VPS37A: variants seen among roughly 807,000 people sequenced by gnomAD.
VPS37A encodes VPS37A subunit of ESCRT-I.
In VPS37A, 30 loss-of-function variants were observed where a neutral mutation model predicts 49.8. The observed-to-expected ratio is 0.60, with a 90% CI of 0.45 to 0.82. The LOEUF is 0.82. Ranked by LOEUF, VPS37A falls within the 40% of genes least tolerant of loss-of-function variation. The pLI is 0.00. For missense variants in VPS37A, 593 were observed against 464.4 expected, an observed-to-expected ratio of 1.28 and a Z score of -2.55; for synonymous variants, 195 against 160.6, an observed-to-expected ratio of 1.21 and a Z score of -1.62.
chr8:17,247,627 G>T, intron 1 of VPS37A: 1 of 704,976 alleles, frequency 1.4e-6, no homozygotes, highest in South Asian at 1.5e-5. Context: ...CATAGCTGCT[G>T]ACTGTAATCT....
chr8:17,280,833 A>G (rs184331239), intron 9 of VPS37A, among the ~76,000 whole-genome samples: 10 of 152,124 alleles, frequency 6.6e-5, no homozygotes, highest in African/African-American at 2.2e-4. Context: ...AAAAATATAT[A>G]GTATTATCTG....
rs1474071482 is a variant in VPS37A, at chr8:17,297,479, TTC to T, written c.*2495_*2496del. ...AAAGAATAAAAATTTATTCTATGGT[TTC>T]TGTCTCTGATCATCACCTTCCATTC... is the stretch of plus-strand genomic sequence containing the variant. On this transcript the variant is annotated 3_prime_UTR_variant, in exon 12 of 12. Transcript: ENST00000324849. 1 of 152,054 alleles carries T rather than the reference TTC, an allele frequency of 6.6e-6. No homozygotes were observed. The highest frequency in any genetic ancestry group is 1.5e-5 in the Non-Finnish European group (1 of 67,930). 9.4% of individuals were successfully genotyped at this position (152,054 alleles called of 1,614,324 possible).
At chr8:17,302,054 G>T, downstream of VPS37A, 1 of 1,500,866 alleles carries the variant, frequency 6.7e-7, no homozygotes, top group South Asian at 1.2e-5. Context: ...CTAAAAATGT[G>T]AAATATTTGT....
At chr8:17,264,909 G>T (rs1199399790) in intron 1 of VPS37A, among the ~76,000 whole-genome samples, 3 of 152,142 alleles carry the variant, frequency 2.0e-5, no homozygotes, top group Non-Finnish European at 4.4e-5. Context: ...AATAATATAT[G>T]CCTGCAAATA....
chr8:17,268,915 G>T lies in VPS37A; in HGVS notation c.375G>T (p.Lys125Asn). The T allele has an allele frequency of 6.2e-7, 1 of 1,610,538 alleles. No individual in the cohort carries two copies. Among genetic ancestry groups the T allele is most frequent in the Non-Finnish European group, 8.5e-7 (1 of 1,179,280 alleles). ...IIQSLLDEFWKNPPVLAPTST... is the reference protein window; with the variant it reads ...IIQSLLDEFWNNPPVLAPTST... ...AGAGTCTGTTGGATGAGTTTTGGAA[G>T]AATCCTCCAGTTTTAGCTCCTACTT... Residue 125 changes from lysine to asparagine, a missense_variant, in exon 4 of 12, where the codon AAG becomes AAT. Lys to Asn is a moderately conservative substitution (Grantham distance 94, BLOSUM62 0). Transcript: ENST00000324849.
downstream of VPS37A, among the ~76,000 whole-genome samples, chr8:17,300,730 C>T (rs377357808): frequency 6.6e-5 from 10 of 152,354 alleles, no homozygotes; most frequent in East Asian, 1.9e-3. Context: ...ATCACCTCCC[C>T]TGCCGAAAGA....
chr8:17,331,543 G>A, the VPS37A span, among the ~76,000 whole-genome samples: 3 of 152,204 alleles, frequency 2.0e-5, no homozygotes, highest in Admixed American at 6.5e-5. Flanking sequence ...AACCCTTCTG[G>A]AGATGTCACT....
chr8:17,305,868 G>A (rs779745415), downstream of VPS37A: 2 of 1,613,574 alleles, frequency 1.2e-6, no homozygotes, highest in Non-Finnish European at 1.7e-6. Context: ...AAAGGCACAG[G>A]GAAATTGTTC....
the VPS37A span, among the ~76,000 whole-genome samples, chr8:17,314,292 ATTG>A: frequency 6.6e-5 from 10 of 152,278 alleles, no homozygotes; most frequent in Non-Finnish European, 1.2e-4. Flanking sequence ...TTTTTATTTT[ATTG>A]TTCTCTGTGA....
At chr8:17,289,772 G>T (rs563304413) in intron 11 of VPS37A, among the ~76,000 whole-genome samples, 7 of 152,194 alleles carry the variant, frequency 4.6e-5, no homozygotes, top group Non-Finnish European at 1.0e-4. Flanking sequence ...GAACAGCATA[G>T]AATCTATAAA....
chr8:17,299,669 TAAATG>T (rs1291196722), downstream of VPS37A: 4 of 688,366 alleles, frequency 5.8e-6, no homozygotes, highest in South Asian at 4.3e-5. Flanking sequence ...TTATATTTGA[TAAATG>T]AAATGACTAC....
intron 2 of VPS37A, among the ~76,000 whole-genome samples, chr8:17,267,909 G>C (rs1208311290): frequency 6.6e-6 from 1 of 152,142 alleles, no homozygotes; most frequent in Admixed American, 6.6e-5. Context: ...GACTGGACTA[G>C]TATGGTTCAC....
At chr8:17,322,324 C>T in the VPS37A span, among the ~76,000 whole-genome samples, 6 of 152,144 alleles carry the variant, frequency 3.9e-5, no homozygotes, top group Non-Finnish European at 2.9e-5. Context: ...ACCATGTGTT[C>T]CAGAATACTA....
At chr8:17,314,673 A>G in the VPS37A span, among the ~76,000 whole-genome samples, 1 of 152,252 alleles carries the variant, frequency 6.6e-6, no homozygotes, top group Non-Finnish European at 1.5e-5. Flanking sequence ...GTGTTGAAGG[A>G]AATAACACCA....
the VPS37A span, among the ~76,000 whole-genome samples, chr8:17,310,191 A>C: frequency 7.9e-5 from 12 of 151,734 alleles, no homozygotes; most frequent in South Asian, 2.1e-4. Context: ...TATAGAGACG[A>C]GGTCTCGCCA....
At chr8:17,331,357 T>A in the VPS37A span, 1 of 1,438,732 alleles carries the variant, frequency 7.0e-7, no homozygotes, top group African/African-American at 1.4e-5. Flanking sequence ...AAACATTTCA[T>A]GGATACCCAA....
At chr8:17,289,850 C>G (rs1424334725) in intron 11 of VPS37A, among the ~76,000 whole-genome samples, 1 of 152,162 alleles carries the variant, frequency 6.6e-6, no homozygotes, top group African/African-American at 2.4e-5. Context: ...GAATGTTTTT[C>G]CATTTGTTTG....
At chr8:17,256,290 ATTTTTTTTTTTTT>A (rs529736602) in intron 1 of VPS37A, among the ~76,000 whole-genome samples, 16 of 60,388 alleles carry the variant, frequency 2.6e-4, no homozygotes, top group Non-Finnish European at 2.9e-4. Flanking sequence ...GGGTAAAATG[ATTTTTTTTTTTTT>A]TTTTTTTTTT....
At chr8:17,273,008 C>T (rs1297105245) in intron 4 of VPS37A, among the ~76,000 whole-genome samples, 2 of 126,918 alleles carry the variant, frequency 1.6e-5, no homozygotes, top group Admixed American at 1.6e-4. Context: ...TGAATGGTAG[C>T]ATATTTTGCC....
Sources: gnomAD v4.1 joint callset for allele counts (sites outside exome capture counted in the v4.1 genomes callset) on GRCh38, gnomAD v4.1.1 for gene constraint, MANE v1.5 for transcripts, NCBI Gene and HGNC (gene_info 2026-07-23, HGNC 2026-07-21) for gene names.